UPB1: variants seen among roughly 807,000 people sequenced by gnomAD.
The protein encoded by UPB1 is beta-ureidopropionase 1, also known as beta-ureidopropionase.
Under a neutral mutation model 49.1 loss-of-function variants are expected in UPB1, and 40 were observed. The ratio of observed to expected loss-of-function variants is 0.81; its 90% CI spans 0.63 to 1.06. The LOEUF is 1.06. Ranked by LOEUF, UPB1 falls within the 50% of genes least tolerant of loss-of-function variation. The pLI is 0.00. For missense variants in UPB1, 499 were observed against 505.9 expected (o/e 0.99, Z 0.13); for synonymous variants, 207 against 198.2 (o/e 1.04, Z -0.38).
At chr22:24,524,120 A>G (rs1410297929) in intron 9 of UPB1, among the ~76,000 whole-genome samples, 1 of 152,212 alleles carries the variant, frequency 6.6e-6, no homozygotes, top group Non-Finnish European at 1.5e-5. Flanking sequence ...ATCACAAGAT[A>G]AATATGCATG....
At chr22:24,508,961 G>A (rs913838555) in intron 3 of UPB1, among the ~76,000 whole-genome samples, 1 of 152,208 alleles carries the variant, frequency 6.6e-6, no homozygotes, top group Non-Finnish European at 1.5e-5. Context: ...AATTAGTCCA[G>A]ACAAGGATTG....
chr22:24,498,227 C>CTAT (rs2043926907), intron 1 of UPB1, among the ~76,000 whole-genome samples: 1 of 152,206 alleles, frequency 6.6e-6, no homozygotes, highest in African/African-American at 2.4e-5. Context: ...TGAAAGAGCC[C>CTAT]TATCACATTG....
intron 6 of UPB1, among the ~76,000 whole-genome samples, chr22:24,517,198 GCC>G (rs532716277): frequency 9.9e-4 from 151 of 152,294 alleles, no homozygotes; most frequent in African/African-American, 3.4e-3. Flanking sequence ...CTACCACCCT[GCC>G]CATGTACCTG....
At chr22:24,505,110 C>A (rs1303259146) in intron 3 of UPB1, among the ~76,000 whole-genome samples, 2 of 152,046 alleles carry the variant, frequency 1.3e-5, no homozygotes, top group African/African-American at 4.8e-5. Flanking sequence ...TCCTATTCAA[C>A]CTTTCATTTC....
At chr22:24,507,943 T>G (rs896374314) in intron 3 of UPB1, among the ~76,000 whole-genome samples, 5 of 152,086 alleles carry the variant, frequency 3.3e-5, no homozygotes, top group African/African-American at 1.2e-4. Context: ...AGACCCCACC[T>G]CCTCCAGCCC....
chr22:24,515,180 A>G (rs751032342), intron 5 of UPB1, 21 bp from the exon 6 acceptor site: 1 of 1,614,054 alleles, frequency 6.2e-7, no homozygotes, highest in South Asian at 1.1e-5. Context: ...AGGCATCAGT[A>G]TATGGCCCTT....
At chr22:24,501,278 G>T (rs1434228119) in intron 2 of UPB1, among the ~76,000 whole-genome samples, 2 of 151,942 alleles carry the variant, frequency 1.3e-5, no homozygotes, top group Non-Finnish European at 2.9e-5. Flanking sequence ...TATAGGCCTT[G>T]TGGAGAGTTT....
chr22:24,510,964 GC>G, intron 4 of UPB1, 121 bp downstream of exon 4: 1 of 1,032,442 alleles, frequency 9.7e-7, no homozygotes, highest in Non-Finnish European at 1.5e-6. Context: ...TGCTTGTTTT[GC>G]CAGATAAGAT....
chr22:24,515,356 G>A lies in UPB1; in HGVS notation c.777G>A (p.Thr259=), dbSNP rs371352339. ...GAEIIFNPSA[T]IGALSESLWP... ...AGATCATCTTCAACCCCTCGGCCACGATAGGAGCACTCAGGTCACTCAGTT... is the reference window on the plus strand; with the variant it reads ...AGATCATCTTCAACCCCTCGGCCACAATAGGAGCACTCAGGTCACTCAGTT... The change falls in exon 6 of 10, where the codon ACG becomes ACA. Residue 259 remains threonine, a synonymous_variant. Coordinates refer to ENST00000326010, the MANE Select transcript of UPB1 (RefSeq NM_016327.3). 14 of 1,614,124 alleles carry A rather than the reference G, an allele frequency of 8.7e-6. No individual in the cohort carries two copies. In the East Asian group the frequency reaches 1.8e-4, roughly 21 times the overall value.
chr22:24,524,016 G>A (rs561340857), intron 9 of UPB1, among the ~76,000 whole-genome samples: 3 of 152,356 alleles, frequency 2.0e-5, no homozygotes, highest in East Asian at 1.9e-4. Flanking sequence ...TAGATTCTGG[G>A]TGCCTTCAGA....
In UPB1 at chr22:24,520,407, A is replaced by G; in HGVS notation, c.812A>G (p.Glu271Gly). ...TACAGCGAGTCCCTGTGGCCCATCG[A>G]GGCCAGAAACGCAGCCATTGCCAAT... ...GALSESLWPIEARNAAIANHC... is the reference protein window; with the variant it reads ...GALSESLWPIGARNAAIANHC... The change falls in exon 7 of 10, where the codon GAG (glutamate) becomes GGG (glycine). Residue 271 changes from glutamate to glycine, a missense_variant. Transcript: ENST00000326010. The G allele has an allele frequency of 6.2e-7, 1 of 1,614,178 alleles. No homozygotes were observed. Among genetic ancestry groups the G allele is most frequent in the South Asian group, 1.1e-5 (1 of 91,082 alleles).
At chr22:24,515,165 G>T (rs2044270751) in intron 5 of UPB1, 36 bp from the exon 6 acceptor site, 1 of 1,613,482 alleles carries the variant, frequency 6.2e-7, no homozygotes, top group Admixed American at 1.7e-5. Context: ...AATCTTGAAG[G>T]TCAGAGGCAT....
In UPB1 at chr22:24,502,197, T is replaced by C; in HGVS notation, c.348T>C (p.Cys116=). The change falls in exon 3 of 10, where the codon TGT becomes TGC. Residue 116 remains cysteine, a synonymous_variant. Transcript: ENST00000326010. ...CAATGTGTGGAGTCAACATCATCTG[T>C]TTCCAGGAAGCATGGAGTGAGTCTT... is the stretch of plus-strand genomic sequence containing the variant. The part of the protein sequence containing the change: ...VAAMCGVNII[C]FQEAWTMPFA... The C allele has an allele frequency of 6.2e-7, 1 of 1,614,214 alleles. No individual in the cohort carries two copies. Among genetic ancestry groups the C allele is most frequent in the Non-Finnish European group, 8.5e-7 (1 of 1,180,040 alleles).
intron 3 of UPB1, among the ~76,000 whole-genome samples, chr22:24,506,669 A>C (rs888061301): frequency 6.6e-6 from 1 of 151,616 alleles, no homozygotes; most frequent in African/African-American, 2.4e-5. Flanking sequence ...TTGTACTCTC[A>C]CTCTTCATTA....
intron 8 of UPB1, 115 bp downstream of exon 8, chr22:24,522,143 C>T (rs2044406185): frequency 2.3e-6 from 3 of 1,287,602 alleles, no homozygotes; most frequent in East Asian, 4.9e-5. Context: ...ATGCCTGGCA[C>T]CTAGGAGGAG....
In UPB1 at chr22:24,495,354, C is replaced by G. The variant is rs753303774; in HGVS notation, c.-50C>G. ...CCTGGGCACCTCCTCCCACTGCGGG[C>G]AAAGGGCAGGCAGTTCGTGCGCGGA... On this transcript the variant is annotated 5_prime_UTR_variant, in exon 1 of 10. Transcript: ENST00000326010. The G allele has an allele frequency of 6.2e-7, 1 of 1,600,176 alleles. No individual in the cohort carries two copies. The highest frequency in any genetic ancestry group is 8.5e-7 in the Non-Finnish European group (1 of 1,172,456).
chr22:24,509,447 G>T (rs2044157156), intron 3 of UPB1, among the ~76,000 whole-genome samples: 1 of 150,502 alleles, frequency 6.6e-6, no homozygotes, highest in Non-Finnish European at 1.5e-5. Context: ...GCTCCTAGGT[G>T]GGGCCTGGCC....
At chr22:24,495,852 A>G (rs1408623780) in intron 1 of UPB1, among the ~76,000 whole-genome samples, 1 of 151,508 alleles carries the variant, frequency 6.6e-6, no homozygotes, top group Non-Finnish European at 1.5e-5. Flanking sequence ...ACTGTCTCCA[A>G]CCAGAGCACC....
At chr22:24,506,706 C>T (rs2044097634) in intron 3 of UPB1, among the ~76,000 whole-genome samples, 1 of 152,208 alleles carries the variant, frequency 6.6e-6, no homozygotes, top group Non-Finnish European at 1.5e-5. Flanking sequence ...AGGATAGTAT[C>T]TGTGTTTGTT....
Sources: gnomAD v4.1 joint callset for allele counts (sites outside exome capture counted in the v4.1 genomes callset) on GRCh38, gnomAD v4.1.1 for gene constraint, MANE v1.5 for transcripts, NCBI Gene and HGNC (gene_info 2026-07-23, HGNC 2026-07-21) for gene names.